The following SMIM41 variants were observed in gnomAD, a reference collection of about 807,000 sequenced individuals.
SMIM41 encodes small integral membrane protein 41.
intron 2 of SMIM41, among the ~76,000 whole-genome samples, chr12:52,091,209 T>C (rs1463840251): frequency 6.6e-6 from 1 of 152,068 alleles, no homozygotes; most frequent in East Asian, 1.9e-4. Flanking sequence ...TTCCCTGGCG[T>C]TTTTGCTCCA....
chr12:52,098,889 T>C (rs1940158865), intron 2 of SMIM41, among the ~76,000 whole-genome samples: 1 of 151,900 alleles, frequency 6.6e-6, no homozygotes, highest in Non-Finnish European at 1.5e-5. Flanking sequence ...AGAACAATAT[T>C]ACAGGAGGGG....
chr12:52,096,651 G>A (rs904231605), intron 2 of SMIM41, among the ~76,000 whole-genome samples: 6 of 151,370 alleles, frequency 4.0e-5, no homozygotes, highest in African/African-American at 1.5e-4. Context: ...ATTAATATCA[G>A]GCGTTATTAA....
At chr12:52,082,650 G>A (rs1007342889) in intron 1 of SMIM41, among the ~76,000 whole-genome samples, 6 of 152,038 alleles carry the variant, frequency 3.9e-5, no homozygotes, top group African/African-American at 7.2e-5. Context: ...CCAGGCACCC[G>A]AACTCCTAGC....
intron 2 of SMIM41, among the ~76,000 whole-genome samples, chr12:52,101,450 G>A (rs891656759): frequency 4.6e-5 from 7 of 152,268 alleles, no homozygotes; most frequent in Middle Eastern, 3.4e-3. Flanking sequence ...AGGAATCTCA[G>A]GAAGGTGGAG....
chr12:52,106,934 A>T (rs535466792), intron 2 of SMIM41, among the ~76,000 whole-genome samples: 77 of 152,248 alleles, frequency 5.1e-4, no homozygotes, highest in Non-Finnish European at 9.6e-4. Context: ...AATAAAAAAT[A>T]TTTGAGTTCT....
Position 52,107,450 on chromosome 12 carries a change from TG to T in SMIM41, c.*271del. The T allele has an allele frequency of 1.7e-6, 1 of 602,408 alleles. No homozygotes were observed. The allele number at this position is 602,408 out of a possible 1,614,324, so 37.3% of individuals were successfully genotyped here. A position where few individuals can be genotyped will look rare whatever the true frequency, so the allele number is the denominator to read the frequency against. ...CTGTCCATGTGCCTGGTCATGGTGC[TG>T]GGGAACCTGCTCATCATCCGGCCAT... On this transcript the variant is annotated 3_prime_UTR_variant, in exon 3 of 3. Coordinates refer to ENST00000546390, the MANE Select transcript of SMIM41 (RefSeq NM_001369216.1).
intron 2 of SMIM41, among the ~76,000 whole-genome samples, chr12:52,097,636 TATC>T (rs1353287755): frequency 6.6e-6 from 1 of 152,056 alleles, no homozygotes; most frequent in Admixed American, 6.5e-5. Flanking sequence ...TTGGGAGTAA[TATC>T]ATTCTCTCCT....
chr12:52,091,506 G>A (rs781107999), intron 2 of SMIM41, among the ~76,000 whole-genome samples: 1 of 152,180 alleles, frequency 6.6e-6, no homozygotes, highest in African/African-American at 2.4e-5. Flanking sequence ...TTCTTGGACC[G>A]GTTTGCATGA....
At chr12:52,088,587 T>C (rs915935411) in intron 2 of SMIM41, among the ~76,000 whole-genome samples, 3 of 152,172 alleles carry the variant, frequency 2.0e-5, no homozygotes, top group Non-Finnish European at 4.4e-5. Context: ...CCACAGCCAG[T>C]GCGTCACCAA....
intron 2 of SMIM41, among the ~76,000 whole-genome samples, chr12:52,087,317 T>C (rs1939907845): frequency 6.6e-6 from 1 of 152,218 alleles, no homozygotes; most frequent in African/African-American, 2.4e-5. Context: ...TAGCGCTCTT[T>C]GCACCCACTG....
chr12:52,085,041 C>CGCGGG (rs1939874308), intron 2 of SMIM41, among the ~76,000 whole-genome samples: 1 of 152,034 alleles, frequency 6.6e-6, no homozygotes, highest in African/African-American at 2.4e-5. Flanking sequence ...ACTGTGTGTG[C>CGCGGG]GGTGGTGCCA....
intron 2 of SMIM41, among the ~76,000 whole-genome samples, chr12:52,096,832 C>T (rs1438653006): frequency 1.3e-5 from 2 of 151,932 alleles, no homozygotes; most frequent in South Asian, 2.1e-4. Context: ...CTCACAATAT[C>T]GCAGAAAATG....
rs1939794261 is a variant in SMIM41, at chr12:52,079,996, CA to C, written c.218del (p.Gln73ArgfsTer120). ...CCTGACAGCGCTGCTGACCCGCGAG[CA>C]GCGCGCGTCCCGCGAGCCCGAGCCG... ...QGLTALLTRE[Q>X]RASREPEPGS... On this transcript the variant is annotated frameshift_variant, in exon 1 of 3. Transcript: ENST00000546390. LOFTEE classifies it high-confidence loss of function. 5.3e-6 allele frequency: 2 copies of C among 377,378 alleles called. No individual in the cohort carries two copies. The highest frequency in any genetic ancestry group is 4.6e-5 in the Admixed American group (1 of 21,976). 23.4% of individuals were successfully genotyped at this position (377,378 alleles called of 1,614,324 possible).
chr12:52,094,131 C>T (rs1284658713), intron 2 of SMIM41, among the ~76,000 whole-genome samples: 2 of 7,780 alleles, frequency 2.6e-4, no homozygotes, highest in Non-Finnish European at 4.4e-4. Flanking sequence ...ACTCCATCTC[C>T]GGAAAAAAAA....
At chr12:52,098,514 G>C (rs1294314678) in intron 2 of SMIM41, among the ~76,000 whole-genome samples, 10 of 113,044 alleles carry the variant, frequency 8.8e-5, no homozygotes, top group Admixed American at 6.9e-4. Flanking sequence ...ATATCGTGGG[G>C]GGGGGGGGAC....
At chr12:52,080,215 G>A (rs1939797521) in intron 1 of SMIM41, 34 bp downstream of exon 1, 2 of 285,210 alleles carry the variant, frequency 7.0e-6, no homozygotes, top group Non-Finnish European at 1.3e-5. Flanking sequence ...GTGGGCGCGG[G>A]GGTTCGGGGG....
intron 2 of SMIM41, among the ~76,000 whole-genome samples, chr12:52,087,016 G>A (rs757570382): frequency 6.6e-6 from 1 of 152,140 alleles, no homozygotes; most frequent in Non-Finnish European, 1.5e-5. Context: ...GAATGGTCAC[G>A]GGGTCCCACT....
intron 2 of SMIM41, among the ~76,000 whole-genome samples, chr12:52,085,484 C>T (rs1162656260): frequency 3.9e-5 from 6 of 152,166 alleles, no homozygotes; most frequent in Non-Finnish European, 8.8e-5. Context: ...GGGTGCTTGG[C>T]ACATACCTCA....
intron 1 of SMIM41, among the ~76,000 whole-genome samples, chr12:52,080,897 G>GAGTA (rs1939809244): frequency 6.6e-6 from 1 of 152,092 alleles, no homozygotes; most frequent in East Asian, 1.9e-4. Flanking sequence ...AAGGGTGGGG[G>GAGTA]AGTAGATGTA....
Sources: gnomAD v4.1 joint callset for allele counts (sites outside exome capture counted in the v4.1 genomes callset) on GRCh38, gnomAD v4.1.1 for gene constraint, MANE v1.5 for transcripts, NCBI Gene and HGNC (gene_info 2026-07-23, HGNC 2026-07-21) for gene names.